CZIB: variants seen among roughly 807,000 people sequenced by gnomAD.
CZIB encodes CXXC motif containing zinc binding protein.
A neutral mutation model predicts 28.3 loss-of-function variants in CZIB; 26 were observed. That is an observed-to-expected ratio of 0.92 (90% CI 0.67 to 1.27). CZIB has a LOEUF of 1.27. Among genes scored for constraint, CZIB ranks in the 50% most tolerant of loss-of-function variants. CZIB has a pLI of 0.00. For synonymous variants in CZIB, 78 were observed against 71.1 expected, an observed-to-expected ratio of 1.10 and a Z score of -0.49; for missense variants, 179 against 197.3, an observed-to-expected ratio of 0.91 and a Z score of 0.56.
At chr1:53,220,148 C>T in intron 2 of CZIB, 113 bp downstream of exon 2, 1 of 933,576 alleles carries the variant, frequency 1.1e-6, no homozygotes, top group Non-Finnish European at 1.6e-6. Context: ...AGGAAAACCC[C>T]GAACACTTAA....
intron 4 of CZIB, 65 bp from the exon 5 acceptor site, chr1:53,218,268 C>G: frequency 6.3e-7 from 1 of 1,595,676 alleles, no homozygotes; most frequent in Non-Finnish European, 8.6e-7. Flanking sequence ...CAGGTGCCCA[C>G]ATGTGGCCCT....
Position 53,220,386 on chromosome 1 carries a change from G to A in CZIB, c.7-42C>T, listed in dbSNP as rs761245589. On this transcript the variant is annotated intron_variant, in intron 1 of 7. Transcript: ENST00000294360. ...GAGCGACTGCGTCAGCCGTGCCTGC[G>A]CAGCCCCACGCCTGCCCGACCCTCC... The A allele has an allele frequency of 3.7e-6, 6 of 1,600,704 alleles. No individual in the cohort carries two copies. In the South Asian group the frequency reaches 4.4e-5, roughly 12 times the overall value.
rs761310481 is a variant in CZIB, at chr1:53,220,361, G to C, written c.7-17C>G. 3 of 1,610,136 alleles carry C rather than the reference G, an allele frequency of 1.9e-6. No homozygotes were observed. The highest frequency in any genetic ancestry group is 2.2e-5 in the East Asian group (1 of 44,872). ...CGCGATTTTCTGAGGGGGAGGGCCA[G>C]AGCGACTGCGTCAGCCGTGCCTGCG... On this transcript the variant is annotated splice_polypyrimidine_tract_variant and intron_variant, in intron 1 of 7. Transcript: ENST00000294360.
rs912920724 is a variant in CZIB at position 53,218,852 on chromosome 1, G to T, written c.147+15C>A. 34 of 1,597,954 alleles carry T rather than the reference G, an allele frequency of 2.1e-5. No individual in the cohort carries two copies. Among genetic ancestry groups the T allele is most frequent in the South Asian group, 1.7e-4 (15 of 90,624 alleles). On this transcript the variant is annotated intron_variant, in intron 3 of 7. Coordinates refer to ENST00000294360, the MANE Select transcript of CZIB (RefSeq NM_017887.3). ...TGTGAGTGTTTATGTTGGGGGTTGG[G>T]CGGGGAACAGTTACCATCAGCCGGA... is the stretch of plus-strand genomic sequence containing the variant.
Position 53,220,562 on chromosome 1 carries a change from C to T in CZIB, c.6+8G>A, listed in dbSNP as rs1276627203. The T allele has an allele frequency of 5.0e-6, 8 of 1,598,950 alleles. No individual in the cohort carries two copies. The highest frequency in any genetic ancestry group is 1.3e-5 in the African/African-American group (1 of 74,908). ...TCCGTGTCCCCGCGGCGGGCGGCCT[C>T]CCCTCACCCCCATGGTAGCCCTCTC... On this transcript the variant is annotated splice_region_variant and intron_variant, in intron 1 of 7. Transcript: ENST00000294360.
At chr1:53,220,498 G>T in intron 1 of CZIB, 72 bp downstream of exon 1, 1 of 1,597,232 alleles carries the variant, frequency 6.3e-7, no homozygotes. Flanking sequence ...ATCTCCTCCT[G>T]GCGCGAGCTG....
intron 6 of CZIB, 139 bp from the exon 7 acceptor site, chr1:53,216,195 T>A: frequency 1.4e-6 from 1 of 733,704 alleles, no homozygotes; most frequent in Non-Finnish European, 2.3e-6. Flanking sequence ...TGTCTTGGAA[T>A]AACTGCTGAG....
chr1:53,216,136 G>T, intron 6 of CZIB, 80 bp from the exon 7 acceptor site: 1 of 1,340,114 alleles, frequency 7.5e-7, no homozygotes, highest in Non-Finnish European at 1.1e-6. Flanking sequence ...CAGGCTGCTG[G>T]CTCTTCTCAC....
At position 53,218,862 on chromosome 1, in the gene CZIB, G is replaced by A. The variant is rs755792822; in HGVS notation, c.147+5C>T. ...TATGTTGGGGGTTGGGCGGGGAACA[G>A]TTACCATCAGCCGGATGTACTGCCA... On this transcript the variant is annotated splice_donor_5th_base_variant and intron_variant, in intron 3 of 7. Transcript: ENST00000294360. The A allele has an allele frequency of 6.2e-7, 1 of 1,611,934 alleles. No homozygotes were observed. Among genetic ancestry groups the A allele is most frequent in the Non-Finnish European group, 8.5e-7 (1 of 1,178,144 alleles).
intron 6 of CZIB, 131 bp downstream of exon 6, chr1:53,216,649 TAA>T: frequency 1.2e-6 from 1 of 802,750 alleles, no homozygotes; most frequent in Non-Finnish European, 2.1e-6. Flanking sequence ...AGCAGCCACT[TAA>T]GGGACAATTA....
chr1:53,216,097 A>G, intron 6 of CZIB, 41 bp from the exon 7 acceptor site: 1 of 1,605,684 alleles, frequency 6.2e-7, no homozygotes, highest in Non-Finnish European at 8.5e-7. Context: ...TTGGCAAAAG[A>G]AGGCATTGGG....
chr1:53,218,744 C>A (rs1168266118), intron 3 of CZIB, 123 bp downstream of exon 3: 5 of 1,072,342 alleles, frequency 4.7e-6, no homozygotes, highest in Non-Finnish European at 7.1e-6. Context: ...CCTACCCTCC[C>A]AAACCACAAA....
At chr1:53,215,417 C>G (rs571580422) in intron 7 of CZIB, among the ~76,000 whole-genome samples, 1 of 152,340 alleles carries the variant, frequency 6.6e-6, no homozygotes, top group East Asian at 1.9e-4. Flanking sequence ...ATGCTAGCTG[C>G]TGTTATTAGG....
In CZIB at chr1:53,220,603, G is replaced by A. The variant is rs1041054483; in HGVS notation, c.-28C>T. ...TAGCCCTCTCCGCCCGGTGCTGGCT[G>A]CGGCCCTTGCCGTTGCTTTCCGGCG... On this transcript the variant is annotated 5_prime_UTR_variant, in exon 1 of 8. Transcript: ENST00000294360. The A allele has an allele frequency of 4.4e-6, 7 of 1,595,120 alleles. No individual in the cohort carries two copies. Among genetic ancestry groups the A allele is most frequent in the African/African-American group, 4.0e-5 (3 of 74,672 alleles).
intron 2 of CZIB, chr1:53,220,055 A>T: frequency 1.8e-6 from 1 of 559,138 alleles, no homozygotes; most frequent in Non-Finnish European, 3.1e-6. Context: ...CACAGGGAAG[A>T]ACTACAAAAT....
Position 53,218,187 on chromosome 1 carries a change from G to T in CZIB, c.246C>A (p.Thr82=), listed in dbSNP as rs1645485969. The change falls in exon 5 of 8, where the codon ACC becomes ACA. Residue 82 remains threonine (T), a synonymous_variant. Coordinates refer to ENST00000294360, the MANE Select transcript of CZIB (RefSeq NM_017887.3). ...RENSIEILSS[T]IKPYNAEDNE... is the part of the protein sequence containing the mutation. ...GCAAACTTACATTGTAAGGCTTGAT[G>T]GTGCTGCTTAAAATCTCTGAAATAG... The T allele has an allele frequency of 1.2e-6, 2 of 1,613,960 alleles. No homozygotes were observed. Among genetic ancestry groups the T allele is most frequent in the South Asian group, 2.2e-5 (2 of 91,080 alleles).
At chr1:53,215,427 G>T (rs1428857661) in intron 7 of CZIB, among the ~76,000 whole-genome samples, 8 of 152,222 alleles carry the variant, frequency 5.3e-5, no homozygotes, top group African/African-American at 1.7e-4. Context: ...CTGTTATTAG[G>T]TGCTGAGCAA....
At chr1:53,218,297 C>T in intron 4 of CZIB, 94 bp from the exon 5 acceptor site, 2 of 1,571,948 alleles carry the variant, frequency 1.3e-6, no homozygotes, top group Non-Finnish European at 1.8e-6. Context: ...TCACGCTGTA[C>T]AGGTGTCGGC....
chr1:53,217,120 A>G, intron 5 of CZIB: 1 of 414,362 alleles, frequency 2.4e-6, no homozygotes, highest in South Asian at 3.4e-5. Context: ...AGCTCTGCCT[A>G]TCTTCCCCTC....
Sources: gnomAD v4.1 joint callset for allele counts (sites outside exome capture counted in the v4.1 genomes callset) on GRCh38, gnomAD v4.1.1 for gene constraint, MANE v1.5 for transcripts, NCBI Gene and HGNC (gene_info 2026-07-23, HGNC 2026-07-21) for gene names.